DHRSX: variants seen among roughly 807,000 people sequenced by gnomAD.
DHRSX encodes polyprenol dehydrogenase.
DHRSX carries 31 observed loss-of-function variants against 34.0 expected under a neutral mutation model. That is an observed-to-expected ratio of 0.91 (90% CI 0.69 to 1.23). DHRSX has a LOEUF of 1.23. Ranked by LOEUF, DHRSX falls within the 50% of genes most tolerant of loss-of-function variation. The pLI is 0.00. For synonymous variants in DHRSX, 201 were observed against 183.8 expected (o/e 1.09, Z -0.76); for missense variants, 414 against 428.1 (o/e 0.97, Z 0.29).
intron 3 of DHRSX, among the ~76,000 whole-genome samples, chrX:2,346,051 G>GT (rs1176212026): frequency 1.3e-5 from 2 of 152,174 alleles, no homozygotes; most frequent in African/African-American, 4.8e-5. Flanking sequence ...TAAGAAATTA[G>GT]TAAGTTTTAG....
At chrX:2,314,465 GGGGA>G (rs1252853790) in intron 3 of DHRSX, among the ~76,000 whole-genome samples, 153 of 70,822 alleles carry the variant, frequency 2.2e-3, no homozygotes, top group Middle Eastern at 8.9e-3. Context: ...GAGGAAGGAA[GGGGA>G]GAAGGAAGGA....
chrX:2,472,200 G>C (rs963313516), intron 1 of DHRSX, among the ~76,000 whole-genome samples: 11 of 151,368 alleles, frequency 7.3e-5, no homozygotes, highest in Non-Finnish European at 2.9e-5. Context: ...GGAGGTGGAG[G>C]CCATTATCCT....
At chrX:2,264,612 C>CT (rs2041416134) in intron 5 of DHRSX, among the ~76,000 whole-genome samples, 1 of 145,182 alleles carries the variant, frequency 6.9e-6, no homozygotes, top group African/African-American at 2.6e-5. Context: ...CCCAGAGGAC[C>CT]ATGCCCAGCA....
At chrX:2,453,985 C>A in intron 1 of DHRSX, among the ~76,000 whole-genome samples, 1 of 152,230 alleles carries the variant, frequency 6.6e-6, no homozygotes, top group East Asian at 1.9e-4. Flanking sequence ...AATCATTGCA[C>A]AATGTGTACT....
intron 6 of DHRSX, among the ~76,000 whole-genome samples, chrX:2,225,392 A>G (rs1334553235): frequency 2.6e-5 from 4 of 152,182 alleles, no homozygotes; most frequent in African/African-American, 9.7e-5. Context: ...ACATGCACAC[A>G]TGCTCATCCA....
At chrX:2,259,861 C>T (rs1440127244) in intron 5 of DHRSX, among the ~76,000 whole-genome samples, 1 of 150,372 alleles carries the variant, frequency 6.7e-6, no homozygotes, top group African/African-American at 2.4e-5. Flanking sequence ...GGATTTAGGA[C>T]CTACCCTACT....
chrX:2,302,900 T>C (rs1011268966), intron 3 of DHRSX, among the ~76,000 whole-genome samples: 1 of 152,152 alleles, frequency 6.6e-6, no homozygotes, highest in Non-Finnish European at 1.5e-5. Context: ...CAGTTATCAA[T>C]CTGCTGCAGA....
intron 6 of DHRSX, among the ~76,000 whole-genome samples, chrX:2,223,531 C>T (rs145189775): frequency 0.024 from 3,585 of 152,114 alleles, 98 homozygotes; most frequent in African/African-American, 0.07. Context: ...CAGGGGAGCC[C>T]TGTGTCCCGT....
chrX:2,460,445 G>A (rs1337087045), intron 1 of DHRSX, among the ~76,000 whole-genome samples: 16 of 152,258 alleles, frequency 1.1e-4, no homozygotes, highest in South Asian at 6.2e-4. Flanking sequence ...TGAGACAGTC[G>A]CCCAGGCTAT....
intron 1 of DHRSX, among the ~76,000 whole-genome samples, chrX:2,485,096 C>A (rs1177523897): frequency 1.3e-5 from 2 of 152,150 alleles, no homozygotes; most frequent in Admixed American, 6.5e-5. Flanking sequence ...GGCTGTGCAG[C>A]CAGATGCAAG....
intron 3 of DHRSX, among the ~76,000 whole-genome samples, chrX:2,302,787 C>T (rs1306615592): frequency 6.6e-6 from 1 of 151,970 alleles, no homozygotes; most frequent in Non-Finnish European, 1.5e-5. Context: ...GTCATTTAAG[C>T]TTTGTTCAAT....
At chrX:2,372,504 A>T (rs1474841791) in intron 3 of DHRSX, among the ~76,000 whole-genome samples, 1 of 152,122 alleles carries the variant, frequency 6.6e-6, no homozygotes, top group Non-Finnish European at 1.5e-5. Context: ...AGGACCCAAC[A>T]AGGGCAAACG....
chrX:2,274,228 G>A (rs1170114780), intron 4 of DHRSX, among the ~76,000 whole-genome samples: 1 of 151,670 alleles, frequency 6.6e-6, no homozygotes, highest in Non-Finnish European at 1.5e-5. Flanking sequence ...AGTAGAGACG[G>A]GGTTTCACCA....
intron 4 of DHRSX, among the ~76,000 whole-genome samples, chrX:2,273,814 G>A (rs1218161165): frequency 6.6e-6 from 1 of 152,214 alleles, no homozygotes; most frequent in Non-Finnish European, 1.5e-5. Flanking sequence ...GCATCGTTGG[G>A]GAAGGTATCT....
chrX:2,220,719 T>G lies in DHRSX; in HGVS notation c.*322A>C. On this transcript the variant is annotated 3_prime_UTR_variant, in exon 7 of 7. Transcript: ENST00000334651. ...AAAAGAGAGCATCTCTCTTGGAACT[T>G]TTGTACTCAGTTGTATTAACGCGGC... 1 of 325,908 alleles carries G rather than the reference T, an allele frequency of 3.1e-6. No homozygotes were observed. The highest frequency in any genetic ancestry group is 5.6e-6 in the Non-Finnish European group (1 of 178,840). The allele number at this position is 325,908 out of a possible 1,614,324, so 20.2% of individuals were successfully genotyped here. A position where few individuals can be genotyped will look rare whatever the true frequency, so the allele number is the denominator to read the frequency against.
At chrX:2,436,095 A>G (rs1174288964) in intron 1 of DHRSX, among the ~76,000 whole-genome samples, 1 of 151,980 alleles carries the variant, frequency 6.6e-6, no homozygotes, top group Non-Finnish European at 1.5e-5. Context: ...CGGGAAGCTG[A>G]GGCAGGAGAA....
chrX:2,372,480 G>A (rs897083086), intron 3 of DHRSX, among the ~76,000 whole-genome samples: 4 of 152,080 alleles, frequency 2.6e-5, no homozygotes, highest in African/African-American at 9.7e-5. Context: ...GGATCCCGTT[G>A]AGTATAAAAA....
chrX:2,470,919 T>TTGTTAATATGTTAATTAGCTTCAA (rs2044582120), intron 1 of DHRSX, among the ~76,000 whole-genome samples: 1 of 63,182 alleles, frequency 1.6e-5, no homozygotes, highest in Non-Finnish European at 3.2e-5. Context: ...ATTAGCTTGA[T>TTGTTAATATGTTAATTAGCTTCAA]TGTTAATATG....
intron 2 of DHRSX, among the ~76,000 whole-genome samples, chrX:2,421,879 GTTCA>G (rs1479388812): frequency 1.3e-5 from 2 of 152,184 alleles, no homozygotes; most frequent in African/African-American, 4.8e-5. Flanking sequence ...GATGTGGAGA[GTTCA>G]TTTTTTCCTT....
Sources: allele counts gnomAD v4.1 joint callset (sites outside exome capture counted in the v4.1 genomes callset), GRCh38; gene constraint gnomAD v4.1.1; transcripts MANE v1.5; gene names NCBI Gene and HGNC (gene_info 2026-07-23, HGNC 2026-07-21).